SLCO2A1: variants seen among roughly 807,000 people sequenced by gnomAD.
The protein encoded by SLCO2A1 is matrin F/G 1.
In SLCO2A1, 60 loss-of-function variants were observed where a neutral mutation model predicts 71.7. The ratio of observed to expected loss-of-function variants is 0.84; its 90% CI spans 0.68 to 1.04. The LOEUF (loss-of-function observed/expected upper bound fraction) is 1.04, where lower values mean the gene tolerates loss of function less well. Among genes scored for constraint, SLCO2A1 ranks in the 50% least tolerant of loss-of-function variants. The probability of loss-of-function intolerance (pLI) is 0.00; values close to 1 mark genes in which losing one functional copy is unlikely to be tolerated. For missense variants in SLCO2A1, 745 were observed against 813.4 expected, an observed-to-expected ratio of 0.92 and a Z score of 1.02; for synonymous variants, 308 against 326.7, an observed-to-expected ratio of 0.94 and a Z score of 0.62.
rs1243788253 is a variant in SLCO2A1, at chr3:133,934,596, TTTTC to T, written c.*113_*116del. 62 of 763,516 alleles carry T rather than the reference TTTTC, an allele frequency of 8.1e-5. No individual in the cohort carries two copies. The Middle Eastern group carries it at 8.6e-4, about 11-fold the overall frequency. 47.3% of individuals were successfully genotyped at this position (763,516 alleles called of 1,614,324 possible). On this transcript the variant is annotated 3_prime_UTR_variant, in exon 14 of 14. Coordinates refer to ENST00000310926, the MANE Select transcript of SLCO2A1 (RefSeq NM_005630.3). ...TAGGGAAGGCAAATGAGGACTGGGG[TTTTC>T]TTTCTTGTTTAAAAATACAAAAAGG... is the stretch of plus-strand genomic sequence containing the variant.
chr3:134,023,110 G>A (rs556016434), intron 1 of SLCO2A1, among the ~76,000 whole-genome samples: 1 of 145,980 alleles, frequency 6.9e-6, no homozygotes, highest in African/African-American at 2.5e-5. Context: ...CAAGACTGCT[G>A]TTCATACAGC....
chr3:133,990,775 T>A lies in SLCO2A1; in HGVS notation c.97-11157A>T, dbSNP rs77371643. The stretch of plus-strand genomic sequence containing the variant: ...GGCCAATAAGGATAAAGAAGTGAAC[T>A]CAGAAGGGTGACTCCTGGCTGCTTC... On this transcript the variant is annotated intron_variant, in intron 1 of 13. Coordinates refer to ENST00000310926, the MANE Select transcript of SLCO2A1 (RefSeq NM_005630.3). Among the ~76,000 whole-genome samples, 844 of 152,164 alleles carry A rather than the reference T, an allele frequency of 5.5e-3. 13 individuals are homozygous for A. Among genetic ancestry groups the A allele is most frequent in the African/African-American group, 0.019 (788 of 41,504 alleles).
chr3:134,003,240 C>G (rs573700232), intron 1 of SLCO2A1, among the ~76,000 whole-genome samples: 1 of 152,242 alleles, frequency 6.6e-6, no homozygotes, highest in Non-Finnish European at 1.5e-5. Flanking sequence ...ACACTTGACA[C>G]CTACCAGTTG....
At chr3:133,978,422 G>A (rs750751186) in intron 2 of SLCO2A1, among the ~76,000 whole-genome samples, 2 of 152,142 alleles carry the variant, frequency 1.3e-5, no homozygotes, top group Non-Finnish European at 2.9e-5. Context: ...AGAAGGGACT[G>A]TCACAGGAAA....
chr3:133,934,585 G>A lies in SLCO2A1; in HGVS notation c.*128C>T. Reference sequence around the variant, plus strand: ...GGAGGAAGAGGTAGGGAAGGCAAATGAGGACTGGGGTTTTCTTTCTTGTTT... The same window carrying A: ...GGAGGAAGAGGTAGGGAAGGCAAATAAGGACTGGGGTTTTCTTTCTTGTTT... On this transcript the variant is annotated 3_prime_UTR_variant, in exon 14 of 14. Coordinates refer to ENST00000310926, the MANE Select transcript of SLCO2A1 (RefSeq NM_005630.3). 2 of 687,918 alleles carry A rather than the reference G, an allele frequency of 2.9e-6. No homozygotes were observed. The highest frequency in any genetic ancestry group is 5.0e-6 in the Non-Finnish European group (2 of 401,742). The allele number at this position is 687,918 out of a possible 1,614,324, so 42.6% of individuals were successfully genotyped here.
At chr3:133,954,822 TCTG>T in intron 4 of SLCO2A1, 141 bp downstream of exon 4, 1 of 633,844 alleles carries the variant, frequency 1.6e-6, no homozygotes, top group African/African-American at 1.8e-5. Flanking sequence ...TCAAACCAAG[TCTG>T]TCGGATCCCC....
At position 133,955,123 on chromosome 3, in the gene SLCO2A1, G is replaced by A; in HGVS notation, c.468C>T (p.His156=). 6.2e-7 allele frequency: 1 copy of A among 1,614,192 alleles called. No homozygotes were observed. The highest frequency in any genetic ancestry group is 8.5e-7 in the Non-Finnish European group (1 of 1,180,032). The change falls in exon 4 of 14, where the codon CAC becomes CAT. Residue 156 remains histidine (H), a synonymous_variant. Coordinates refer to ENST00000310926, the MANE Select transcript of SLCO2A1 (RefSeq NM_005630.3). ...HWQDLPPSKC[H]STTQNPQKET... is the part of the protein sequence containing the mutation. ...CCTTCTGGGGGTTCTGGGTGGTGCTGTGGCACTTACTGGGAGGCAGGTCCT... is the reference window on the plus strand; with the variant it reads ...CCTTCTGGGGGTTCTGGGTGGTGCTATGGCACTTACTGGGAGGCAGGTCCT...
chr3:134,002,656 G>C (rs62272006), intron 1 of SLCO2A1, among the ~76,000 whole-genome samples: 15,626 of 152,100 alleles, frequency 0.1, 977 homozygotes, highest in South Asian at 0.27. Context: ...CAGTTTTCTG[G>C]GCCCCACCTC....
chr3:133,980,709 C>T (rs955534052), intron 1 of SLCO2A1, among the ~76,000 whole-genome samples: 11 of 152,266 alleles, frequency 7.2e-5, no homozygotes, highest in African/African-American at 2.7e-4. Flanking sequence ...GAGCCTTCCT[C>T]TATAGGTGCC....
At chr3:134,021,673 GAGA>G (rs767253684) in intron 1 of SLCO2A1, among the ~76,000 whole-genome samples, 14 of 152,004 alleles carry the variant, frequency 9.2e-5, no homozygotes, top group Admixed American at 1.3e-4. Flanking sequence ...GGCAGTGAAA[GAGA>G]AGAAGAGACA....
At chr3:133,958,709 G>A (rs932097596) in intron 3 of SLCO2A1, among the ~76,000 whole-genome samples, 4 of 152,160 alleles carry the variant, frequency 2.6e-5, no homozygotes, top group African/African-American at 7.2e-5. Flanking sequence ...TTGACCAAAC[G>A]GATGCATTTC....
At chr3:133,985,508 C>T (rs951527074) in intron 1 of SLCO2A1, among the ~76,000 whole-genome samples, 1 of 152,188 alleles carries the variant, frequency 6.6e-6, no homozygotes, top group Non-Finnish European at 1.5e-5. Context: ...AGATGAATTA[C>T]ACGGGCTGCA....
chr3:134,011,549 G>A (rs868586622), intron 1 of SLCO2A1, among the ~76,000 whole-genome samples: 2 of 152,200 alleles, frequency 1.3e-5, no homozygotes, highest in African/African-American at 4.8e-5. Context: ...TCAGGGACAC[G>A]TTCCAGAGGT....
intron 2 of SLCO2A1, 92 bp from the exon 3 acceptor site, chr3:133,973,917 TG>T (rs941323292): frequency 3.0e-6 from 4 of 1,317,728 alleles, no homozygotes; most frequent in Non-Finnish European, 4.2e-6. Flanking sequence ...CCAGGAAAAC[TG>T]GAAAGGGAGG....
At chr3:133,935,990 A>C (rs1933260856) in intron 12 of SLCO2A1, 93 bp from the exon 13 acceptor site, 1 of 1,334,968 alleles carries the variant, frequency 7.5e-7, no homozygotes, top group Middle Eastern at 2.3e-4. Flanking sequence ...CACAGTTCAC[A>C]TACATGAGAA....
chr3:134,008,278 TCTGTCCA>T (rs1485271258), intron 1 of SLCO2A1, among the ~76,000 whole-genome samples: 1 of 152,240 alleles, frequency 6.6e-6, no homozygotes, highest in Non-Finnish European at 1.5e-5. Flanking sequence ...TTATTTGTGC[TCTGTCCA>T]CTGTCTATCT....
intron 1 of SLCO2A1, among the ~76,000 whole-genome samples, chr3:134,029,474 ACACACACACACACACT>A (rs2071401182): frequency 9.3e-5 from 1 of 10,750 alleles, no homozygotes; most frequent in South Asian, 0.021. Context: ...AGGCGTGTGA[ACACACACACACACACT>A]CGCACGCACA....
intron 1 of SLCO2A1, among the ~76,000 whole-genome samples, chr3:134,010,493 C>T (rs890751282): frequency 6.6e-6 from 1 of 152,032 alleles, no homozygotes; most frequent in Non-Finnish European, 1.5e-5. Flanking sequence ...GTGGCTCACG[C>T]CTGTAATCCC....
At chr3:133,986,761 A>G (rs919936654) in intron 1 of SLCO2A1, among the ~76,000 whole-genome samples, 3 of 152,252 alleles carry the variant, frequency 2.0e-5, no homozygotes, top group Non-Finnish European at 4.4e-5. Context: ...CTTCAGTGAC[A>G]TAAGTGAGAT....
Sources: gnomAD v4.1 joint callset for allele counts (sites outside exome capture counted in the v4.1 genomes callset) on GRCh38, gnomAD v4.1.1 for gene constraint, MANE v1.5 for transcripts, NCBI Gene and HGNC (gene_info 2026-07-23, HGNC 2026-07-21) for gene names.